ADAMTS13: variants seen among roughly 807,000 people sequenced by gnomAD.
ADAMTS13 encodes the protein A disintegrin and metalloproteinase with thrombospondin motifs 13.
A neutral mutation model predicts 155.1 loss-of-function variants in ADAMTS13; 110 were observed. The ratio of observed to expected loss-of-function variants is 0.71; its 90% confidence interval spans 0.61 to 0.83. ADAMTS13 has a LOEUF of 0.83. ADAMTS13 is among the 40% of genes least tolerant of loss of function. The pLI is 0.00. For synonymous variants in ADAMTS13, 758 were observed against 756.4 expected (o/e 1.00, Z -0.03); for missense variants, 1,707 against 1,891.7 (o/e 0.90, Z 1.81).
rs1554790577 is a variant in ADAMTS13, at chr9:133,440,922, A to T, written c.1968+397A>T. Among the ~76,000 whole-genome samples, 1 of 152,012 alleles carries T rather than the reference A, an allele frequency of 6.6e-6. No homozygotes were observed. Among genetic ancestry groups the T allele is most frequent in the East Asian group, 1.9e-4 (1 of 5,164 alleles). On this transcript the variant is annotated intron_variant, in intron 16 of 28. Coordinates refer to ENST00000355699, the MANE Select transcript of ADAMTS13 (RefSeq NM_139027.6). This position sits in a 1 kb window ranked among gnomAD's most constrained non-coding sequence, Gnocchi z 4.3. ...AGGGAACAGTGTCAGTGTGGGAGGG[A>T]TGAAGGAAGGTCCTACTGTGTGGGT...
At position 133,428,709 on chromosome 9, in the gene ADAMTS13, C is replaced by A. The variant is rs1212704138; in HGVS notation, c.762C>A (p.Ala254=). 1 of 1,353,576 alleles carries A rather than the reference C, an allele frequency of 7.4e-7. No individual in the cohort carries two copies. Among genetic ancestry groups the A allele is most frequent in the Non-Finnish European group, 9.5e-7 (1 of 1,051,168 alleles). 83.8% of individuals were successfully genotyped at this position (1,353,576 alleles called of 1,614,324 possible). A position where few individuals can be genotyped will look rare whatever the true frequency, so the allele number is the denominator to read the frequency against. Residue 254 remains alanine, a synonymous_variant, in exon 7 of 29, where the codon GCC becomes GCA. Transcript: ENST00000355699. The part of the protein sequence containing the change: ...PSGHVMASDG[A]APRAGLAWSP... ...GACACGTGATGGCTTCGGACGGCGCCGCGCCCCGCGCCGGCCTCGCCTGGT... is the reference window on the plus strand; with the variant it reads ...GACACGTGATGGCTTCGGACGGCGCAGCGCCCCGCGCCGGCCTCGCCTGGT...
chr9:133,414,654 C>A lies in ADAMTS13; in HGVS notation n.287+10C>A. 5 of 1,612,946 alleles carry A rather than the reference C, an allele frequency of 3.1e-6. No individual in the cohort carries two copies. In the South Asian group the frequency reaches 5.5e-5, roughly 18 times the overall value. On this transcript the variant is annotated intron_variant and non_coding_transcript_variant, in intron 1 of 17. Coordinates refer to the ADAMTS13 transcript ENST00000485925. ...GCCTCGGTTCTCAGTGGTGAGGTGG[C>A]CCATACTTACTCGGTGGGTGGGGCT...
intron 21 of ADAMTS13, 124 bp from the exon 22 acceptor site, chr9:133,448,472 GGTA>G: frequency 8.0e-7 from 1 of 1,253,148 alleles, no homozygotes; most frequent in Non-Finnish European, 1.2e-6. Context: ...TCACACAGCT[GGTA>G]AGTGGCAGAG....
chr9:133,417,591 CG>C (rs1446112264), upstream of ADAMTS13: 1 of 1,605,892 alleles, frequency 6.2e-7, no homozygotes, highest in African/African-American at 1.3e-5. Flanking sequence ...AGCTGCGCAG[CG>C]CTCCGCCCGG....
At position 133,433,386 on chromosome 9, in the gene ADAMTS13, C is replaced by T; in HGVS notation, c.1101C>T (p.Ser367=). The change falls in exon 10 of 29, where the codon TCC becomes TCT. Residue 367 remains serine (S), a synonymous_variant. Transcript: ENST00000355699. The part of the protein sequence containing the change: ...GTECGVEKWC[S]KGRCRSLVEL... The stretch of plus-strand genomic sequence containing the variant: ...CCATCCTTGCCTTGCAGTGGTGCTC[C>T]AAGGGTCGCTGCCGCTCCCTGGTGG... 6.2e-7 allele frequency: 1 copy of T among 1,612,768 alleles called. No individual in the cohort carries two copies.
Position 133,445,801 on chromosome 9 carries a change from T to A in ADAMTS13, c.2713T>A (p.Ser905Thr). ...HVWTPAAGSC[S>T]VSCGRGLMEL... ...GTGGACCCCTGCGGCAGGGTCGTGC[T>A]CCGTCTCCTGCGGGCGAGGTGAGGG... Residue 905 changes from serine to threonine, a missense_variant, in exon 21 of 29, where the codon TCC becomes ACC. This residue lies in a region of ADAMTS13 where 961 missense variants were observed against 1,107.9 expected (regional missense o/e 0.87). Coordinates refer to ENST00000355699, the MANE Select transcript of ADAMTS13 (RefSeq NM_139027.6). This position sits in a 1 kb window ranked among gnomAD's most constrained non-coding sequence, Gnocchi z 5.0. The A allele has an allele frequency of 6.3e-7, 1 of 1,588,310 alleles. No homozygotes were observed. The highest frequency in any genetic ancestry group is 8.6e-7 in the Non-Finnish European group (1 of 1,161,234).
At chr9:133,447,203 C>T (rs957574692) in intron 21 of ADAMTS13, among the ~76,000 whole-genome samples, 15 of 152,096 alleles carry the variant, frequency 9.9e-5, no homozygotes, top group Admixed American at 6.6e-5. Context: ...CTTGAGAAGA[C>T]ACACCATGTT....
chr9:133,454,671 T>A, intron 24 of ADAMTS13, 52 bp downstream of exon 24: 1 of 1,541,238 alleles, frequency 6.5e-7, no homozygotes, highest in Non-Finnish European at 8.7e-7. Context: ...GGGCATCAGC[T>A]GTGGCTCCTC....
chr9:133,443,540 A>G lies in ADAMTS13; in HGVS notation c.2399A>G (p.Asn800Ser). ...CCAGCTGTGGCGCTGGAAACCTGCA[A>G]CCCCCAGCCCTGCCCTGCCAGGTGA... ...QQPAVALETC[N>S]PQPCPARWEV... Residue 800 changes from asparagine to serine, a missense_variant, in exon 19 of 29, where the codon AAC (asparagine) becomes AGC (serine). By Grantham distance (46) the Asn-to-Ser change is conservative. Around this residue, in one of 3 missense-constraint regions of ADAMTS13, gnomAD observed 961 missense variants for 1,107.9 expected, o/e 0.87. Transcript: ENST00000355699. The G allele has an allele frequency of 1.3e-6, 2 of 1,563,124 alleles. No homozygotes were observed. The highest frequency in any genetic ancestry group is 1.2e-5 in the South Asian group (1 of 85,620).
intron 8 of ADAMTS13, among the ~76,000 whole-genome samples, chr9:133,430,638 C>T (rs1401238676): frequency 6.6e-6 from 1 of 151,874 alleles, no homozygotes; most frequent in Non-Finnish European, 1.5e-5. Context: ...TTTTAATATT[C>T]TTATACAATG....
chr9:133,423,107 C>G lies in ADAMTS13; in HGVS notation c.112C>G (p.Leu38Val). Reference protein sequence around the residue: ...WGPSHFQQSCLQALEPQAVSS... With the variant: ...WGPSHFQQSCVQALEPQAVSS... ...ATCTCTTTTTGTCTTGCAGAGTTGT[C>G]TTCAGGCTTTGGAGCCACAGGCCGT... Residue 38 changes from leucine (L) to valine (V), a missense_variant, in exon 2 of 29, where the codon CTT becomes GTT. Around this residue, in one of 3 missense-constraint regions of ADAMTS13, gnomAD observed 733 missense variants for 749.6 expected, o/e 0.98. Transcript: ENST00000355699. 1 of 1,613,876 alleles carries G rather than the reference C, an allele frequency of 6.2e-7. No homozygotes were observed. Among genetic ancestry groups the G allele is most frequent in the Non-Finnish European group, 8.5e-7 (1 of 1,179,958 alleles).
chr9:133,445,890 C>G lies in ADAMTS13; in HGVS notation c.2731+71C>G, dbSNP rs371585744. On this transcript the variant is annotated intron_variant, in intron 21 of 28. Transcript: ENST00000355699. This position sits in a 1 kb window ranked among gnomAD's most constrained non-coding sequence, Gnocchi z 5.0. ...TCTCCTGTCCACTTGCATCTTGCCT[C>G]GTTCTGAAAAGCATTTGAGGTGGAT... is the stretch of plus-strand genomic sequence containing the variant. The G allele has an allele frequency of 2.5e-5, 37 of 1,505,450 alleles. No individual in the cohort carries two copies. In the Middle Eastern group the frequency reaches 1.3e-3, roughly 51 times the overall value. The allele number at this position is 1,505,450 out of a possible 1,614,324, so 93.3% of individuals were successfully genotyped here. A position where few individuals can be genotyped will look rare whatever the true frequency, so the allele number is the denominator to read the frequency against.
intron 24 of ADAMTS13, 73 bp downstream of exon 24, chr9:133,454,692 G>A: frequency 6.7e-7 from 1 of 1,487,116 alleles, no homozygotes; most frequent in East Asian, 2.5e-5. Flanking sequence ...ATGTGTGAGG[G>A]AGTCTAGGAG....
chr9:133,446,928 G>A (rs587624257), intron 21 of ADAMTS13, among the ~76,000 whole-genome samples: 91 of 152,260 alleles, frequency 6.0e-4, no homozygotes, highest in African/African-American at 2.1e-3. Flanking sequence ...CATGATCTTG[G>A]CTCATTGTAA....
intron 6 of ADAMTS13, among the ~76,000 whole-genome samples, chr9:133,427,488 G>A (rs1296645853): frequency 1.3e-5 from 2 of 152,212 alleles, no homozygotes; most frequent in Non-Finnish European, 1.5e-5. Flanking sequence ...GCCTGGGAGG[G>A]TTGAGGCAGG....
upstream of ADAMTS13, chr9:133,417,494 C>G (rs1451818273): frequency 2.2e-5 from 21 of 966,532 alleles, no homozygotes; most frequent in Non-Finnish European, 3.1e-5. Context: ...TTGTGAAAAG[C>G]TGTTTACAAG....
upstream of ADAMTS13, among the ~76,000 whole-genome samples, chr9:133,419,516 A>G (rs935854665): frequency 6.6e-6 from 1 of 152,186 alleles, no homozygotes; most frequent in Admixed American, 6.5e-5. Flanking sequence ...GGTTAAGACC[A>G]GATAGCAGGT....
intron 8 of ADAMTS13, among the ~76,000 whole-genome samples, chr9:133,430,913 G>A (rs1158733053): frequency 5.3e-5 from 8 of 152,058 alleles, no homozygotes; most frequent in Admixed American, 5.2e-4. Context: ...GCCCGCCCTG[G>A]CCTCACAAAG....
chr9:133,452,724 G>A (rs1305004369), intron 23 of ADAMTS13, among the ~76,000 whole-genome samples: 2 of 151,942 alleles, frequency 1.3e-5, no homozygotes, highest in Non-Finnish European at 2.9e-5. Flanking sequence ...TGCCCAGTCT[G>A]GACTTGAATT....
Sources: allele counts gnomAD v4.1 joint callset (sites outside exome capture counted in the v4.1 genomes callset), GRCh38; gene constraint gnomAD v4.1.1; regional missense constraint gnomAD v4.1.1; non-coding constraint Gnocchi (gnomAD v3.1); transcripts MANE v1.5; gene names NCBI Gene and HGNC (gene_info 2026-07-23, HGNC 2026-07-21).